ATP6V0A1: variants seen among roughly 807,000 people sequenced by gnomAD.
The protein encoded by ATP6V0A1 is V-type proton ATPase 116 kDa subunit a 1.
ATP6V0A1 carries 43 observed loss-of-function variants against 105.4 expected under a neutral mutation model. The ratio of observed to expected loss-of-function variants is 0.41; its 90% CI spans 0.32 to 0.53. The LOEUF (loss-of-function observed/expected upper bound fraction) is 0.53. ATP6V0A1 is among the 20% of genes least tolerant of loss of function. The pLI, the probability that ATP6V0A1 is intolerant of heterozygous loss-of-function variation, is 0.30. For missense variants in ATP6V0A1, 676 were observed against 1,051.1 expected (o/e 0.64, Z 4.93); for synonymous variants, 362 against 372.8 (o/e 0.97, Z 0.33).
intron 10 of ATP6V0A1, among the ~76,000 whole-genome samples, chr17:42,488,456 T>C (rs2090317995): frequency 6.6e-6 from 1 of 152,040 alleles, no homozygotes; most frequent in Admixed American, 6.6e-5. Flanking sequence ...TCAAAGCAGT[T>C]TGGGTGGTTT....
rs1243122178 is a variant in ATP6V0A1, at chr17:42,521,495, T to TTA, written c.*376_*377insAT. 1.2e-5 allele frequency: 2 copies of TTA among 162,120 alleles called. No individual in the cohort carries two copies. Among genetic ancestry groups the TTA allele is most frequent in the African/African-American group, 4.8e-5 (2 of 41,810 alleles). 10.0% of individuals were successfully genotyped at this position (162,120 alleles called of 1,614,324 possible). On this transcript the variant is annotated 3_prime_UTR_variant, in exon 22 of 22. Coordinates refer to ENST00000343619, the MANE Select transcript of ATP6V0A1 (RefSeq NM_001130021.3). The surrounding 1 kb of genome is among the most constrained non-coding windows in gnomAD (Gnocchi z 4.8). ...CACCCATGCCATTCACATCTAGACT[T>TTA]TGAGTTCCCTGCATCTGCCACCGTA... is the stretch of plus-strand genomic sequence containing the variant.
intron 18 of ATP6V0A1, 186 bp downstream of exon 18, chr17:42,507,813 G>A (rs1567863831): frequency 5.0e-6 from 3 of 599,186 alleles, no homozygotes; most frequent in Admixed American, 2.5e-5. Context: ...AGCTCCAGCT[G>A]TTGCCCCCAG....
At position 42,495,644 on chromosome 17, in the gene ATP6V0A1, G is replaced by A. The variant is rs996476287; in HGVS notation, c.1488G>A (p.Gly496=). The A allele has an allele frequency of 3.1e-6, 5 of 1,613,772 alleles. No individual in the cohort carries two copies. In the Admixed American group the frequency reaches 5.0e-5, roughly 16 times the overall value. Residue 496 remains glycine, a synonymous_variant, in exon 14 of 22, where the codon GGG becomes GGA. Coordinates refer to ENST00000343619, the MANE Select transcript of ATP6V0A1 (RefSeq NM_001130021.3). ...ATGGTAGTGAAGAGACGCTTCGGGG[G>A]AACCCTGTTCTACAGCTGAACCCAG... ...TYNWTEETLR[G]NPVLQLNPAL...
intron 5 of ATP6V0A1, among the ~76,000 whole-genome samples, chr17:42,474,065 C>T (rs1054752224): frequency 1.2e-4 from 18 of 150,520 alleles, no homozygotes; most frequent in Admixed American, 2.6e-4. Flanking sequence ...TGCAGTGGTG[C>T]GATCTTGGCT....
Position 42,495,016 on chromosome 17 carries a change from C to T in ATP6V0A1, c.1315-18C>T. ...TGCAGTGAGTACATTCTCATTACTT[C>T]TTTCTTCTGGTTCCCAGATGTTTAG... On this transcript the variant is annotated intron_variant, in intron 12 of 21. Coordinates refer to ENST00000343619, the MANE Select transcript of ATP6V0A1 (RefSeq NM_001130021.3). 2 of 1,610,902 alleles carry T rather than the reference C, an allele frequency of 1.2e-6. No homozygotes were observed. The highest frequency in any genetic ancestry group is 1.7e-6 in the Non-Finnish European group (2 of 1,177,336).
chr17:42,515,279 C>T (rs2092563644), intron 21 of ATP6V0A1, among the ~76,000 whole-genome samples: 1 of 151,678 alleles, frequency 6.6e-6, no homozygotes, highest in African/African-American at 2.4e-5. Flanking sequence ...CCAGCCTGGC[C>T]AACATGGTAA....
At chr17:42,497,162 G>A (rs1473299854) in intron 14 of ATP6V0A1, among the ~76,000 whole-genome samples, 2 of 151,620 alleles carry the variant, frequency 1.3e-5, no homozygotes, top group Non-Finnish European at 2.9e-5. Flanking sequence ...AATTGGCCGG[G>A]TGTGGTGGTG....
At chr17:42,476,402 CAG>C (rs2088750320) in intron 5 of ATP6V0A1, among the ~76,000 whole-genome samples, 3 of 152,008 alleles carry the variant, frequency 2.0e-5, no homozygotes, top group East Asian at 1.9e-4. Flanking sequence ...GTGTGGCTGA[CAG>C]GGGTAGAATC....
intron 2 of ATP6V0A1, among the ~76,000 whole-genome samples, chr17:42,462,694 A>G (rs1472275553): frequency 6.6e-6 from 1 of 152,110 alleles, no homozygotes; most frequent in Non-Finnish European, 1.5e-5. Context: ...TGCTGGGATT[A>G]CAGGCATGAG....
intron 2 of ATP6V0A1, among the ~76,000 whole-genome samples, chr17:42,465,263 G>A (rs563907728): frequency 3.3e-5 from 5 of 151,302 alleles, no homozygotes; most frequent in Admixed American, 3.3e-4. Context: ...CAAAGTGCTA[G>A]GATTATAGGC....
At chr17:42,498,645 T>G (rs533130324) in intron 14 of ATP6V0A1, among the ~76,000 whole-genome samples, 152 of 152,042 alleles carry the variant, frequency 1.0e-3, no homozygotes, top group African/African-American at 3.5e-3. Flanking sequence ...GCTAACACGG[T>G]GAAACCCTGT....
chr17:42,464,168 AAACTGCC>A (rs751240094), intron 2 of ATP6V0A1, among the ~76,000 whole-genome samples: 4 of 152,194 alleles, frequency 2.6e-5, no homozygotes, highest in Admixed American at 1.3e-4. Flanking sequence ...ACTTTGTAAG[AAACTGCC>A]AACAGTTTTC....
intron 1 of ATP6V0A1, 79 bp from the exon 2 acceptor site, chr17:42,460,769 C>G: frequency 1.4e-6 from 1 of 718,588 alleles, no homozygotes; most frequent in Non-Finnish European, 2.5e-6. Flanking sequence ...AATGTAAATG[C>G]AAGAGCCGTA....
intron 2 of ATP6V0A1, among the ~76,000 whole-genome samples, chr17:42,462,044 CAAAA>C (rs1040242459): frequency 1.9e-5 from 1 of 52,902 alleles, no homozygotes; most frequent in African/African-American, 7.4e-5. Flanking sequence ...CCGTCTCTGC[CAAAA>C]AAAAAAAAAA....
At chr17:42,493,561 T>C (rs2090870484) in intron 11 of ATP6V0A1, among the ~76,000 whole-genome samples, 1 of 152,212 alleles carries the variant, frequency 6.6e-6, no homozygotes, top group Admixed American at 6.5e-5. Flanking sequence ...TTCAGGAGGC[T>C]GAGGTGGGAG....
At chr17:42,514,762 G>A (rs1411283662) in intron 21 of ATP6V0A1, among the ~76,000 whole-genome samples, 1 of 152,164 alleles carries the variant, frequency 6.6e-6, no homozygotes, top group Admixed American at 6.5e-5. Context: ...TAAAGGGGCT[G>A]CTGGGGTCTT....
chr17:42,467,884 A>G lies in ATP6V0A1; in HGVS notation c.197-126A>G, dbSNP rs945834491. ...AAGATATTATATCTTTTATATATATATATAAAGTATCTTTTTTGAATAAAA... is the reference window on the plus strand; with the variant it reads ...AAGATATTATATCTTTTATATATATGTATAAAGTATCTTTTTTGAATAAAA... On this transcript the variant is annotated intron_variant, in intron 3 of 21. Coordinates refer to ENST00000343619, the MANE Select transcript of ATP6V0A1 (RefSeq NM_001130021.3). The G allele has an allele frequency of 9.4e-5, 26 of 277,302 alleles. No homozygotes were observed. In the Middle Eastern group the frequency reaches 4.0e-3, roughly 42 times the overall value. The allele number at this position is 277,302 out of a possible 1,614,324, so 17.2% of individuals were successfully genotyped here. A position where few individuals can be genotyped will look rare whatever the true frequency, so the allele number is the denominator to read the frequency against.
chr17:42,502,337 T>C (rs1042494548), intron 17 of ATP6V0A1, among the ~76,000 whole-genome samples: 6 of 152,212 alleles, frequency 3.9e-5, no homozygotes, highest in Non-Finnish European at 7.3e-5. Context: ...GGACTGACAT[T>C]GAGACATTTT....
chr17:42,486,148 C>T (rs1567833408), intron 9 of ATP6V0A1, among the ~76,000 whole-genome samples: 1 of 152,172 alleles, frequency 6.6e-6, no homozygotes, highest in Admixed American at 6.5e-5. Flanking sequence ...CATGTTGGCT[C>T]ATGCCTGTAA....
Sources: gnomAD v4.1 joint callset for allele counts (sites outside exome capture counted in the v4.1 genomes callset) on GRCh38, gnomAD v4.1.1 for gene constraint, Gnocchi (gnomAD v3.1) non-coding constraint, MANE v1.5 for transcripts, NCBI Gene and HGNC (gene_info 2026-07-23, HGNC 2026-07-21) for gene names.